Variants in PIGN observed in about 807,000 individuals in gnomAD.
PIGN encodes GPI ethanolamine phosphate transferase 1.
Under a neutral mutation model 125.4 loss-of-function variants are expected in PIGN, and 117 were observed. The observed-to-expected ratio is 0.93, with a 90% CI of 0.80 to 1.09. PIGN has a LOEUF of 1.09. PIGN is among the 50% of genes least tolerant of loss of function. The pLI is 0.00. For missense variants in PIGN, 1,075 were observed against 1,094.9 expected (o/e 0.98, Z 0.26); for synonymous variants, 392 against 377.8 (o/e 1.04, Z -0.44).
intron 30 of PIGN, chr18:62,069,957 A>G (rs1237631644): frequency 6.5e-6 from 1 of 153,102 alleles, no homozygotes; most frequent in Non-Finnish European, 1.5e-5. Context: ...ACCAATGTCT[A>G]AAATGAAAAT....
chr18:62,170,289 T>C (rs2147809013), intron 1 of PIGN, among the ~76,000 whole-genome samples: 1 of 152,362 alleles, frequency 6.6e-6, no homozygotes, highest in Non-Finnish European at 1.5e-5. Flanking sequence ...TTCGCAGATT[T>C]ATTTTTGCAA....
intron 23 of PIGN, among the ~76,000 whole-genome samples, chr18:62,029,884 C>G (rs539549089): frequency 2.0e-5 from 3 of 152,302 alleles, no homozygotes; most frequent in East Asian, 3.9e-4. Flanking sequence ...TTAGTAGCAT[C>G]CTGAAGGAGC....
intron 25 of PIGN, 71 bp from the exon 26 acceptor site, chr18:62,085,335 A>G: frequency 2.9e-6 from 3 of 1,023,070 alleles, no homozygotes; most frequent in East Asian, 2.6e-5. Flanking sequence ...TAGAAAAGAT[A>G]TGCTAATTTT....
intron 23 of PIGN, among the ~76,000 whole-genome samples, chr18:62,094,628 C>T (rs2034101259): frequency 6.6e-6 from 1 of 152,126 alleles, no homozygotes; most frequent in Non-Finnish European, 1.5e-5. Context: ...AGATTTTAAG[C>T]TTTCATGATG....
intron 30 of PIGN, among the ~76,000 whole-genome samples, chr18:62,066,233 T>G (rs2032510978): frequency 1.3e-5 from 2 of 152,168 alleles, no homozygotes. Context: ...AAACAGGCAG[T>G]GACTGAGCAG....
intron 4 of PIGN, among the ~76,000 whole-genome samples, chr18:62,159,272 T>C (rs1458945322): frequency 6.6e-6 from 1 of 151,960 alleles, no homozygotes; most frequent in East Asian, 1.9e-4. Context: ...AAAAAACCTT[T>C]CAAAAACAGG....
At chr18:62,093,163 A>T (rs1269296883) in intron 23 of PIGN, among the ~76,000 whole-genome samples, 2 of 152,110 alleles carry the variant, frequency 1.3e-5, no homozygotes, top group Non-Finnish European at 2.9e-5. Flanking sequence ...TCATTTTTTT[A>T]AAGATTTGAA....
intron 22 of PIGN, among the ~76,000 whole-genome samples, chr18:62,100,845 C>G (rs1050086167): frequency 6.6e-6 from 1 of 152,128 alleles, no homozygotes; most frequent in Admixed American, 6.5e-5. Flanking sequence ...AAATACATAG[C>G]TTTATTATCA....
chr18:62,089,621 T>C (rs1282697201), intron 24 of PIGN, among the ~76,000 whole-genome samples: 5 of 152,272 alleles, frequency 3.3e-5, no homozygotes, highest in South Asian at 2.1e-4. Context: ...AAACTGCTTT[T>C]CATGTATTAT....
intron 1 of PIGN, among the ~76,000 whole-genome samples, chr18:62,165,336 C>T (rs1394874089): frequency 1.3e-5 from 2 of 152,164 alleles, no homozygotes; most frequent in Non-Finnish European, 2.9e-5. Flanking sequence ...ACTAAATAAA[C>T]CTCTTTTCTT....
In PIGN at chr18:62,122,461, A is replaced by G. The variant is rs369090298; in HGVS notation, c.1173-7822T>C. Among the ~76,000 whole-genome samples, 39 of 152,226 alleles carry G rather than the reference A, an allele frequency of 2.6e-4. 4 individuals carry two copies. Among genetic ancestry groups the G allele is most frequent in the South Asian group, 2.5e-3 (12 of 4,812 alleles). On this transcript the variant is annotated intron_variant, in intron 14 of 30. Transcript: ENST00000640252. ...GCAAATTTTTATCAGTTCCCTCTTA[A>G]TGAATGCAAATGCCTAGCACTTCCT...
chr18:62,157,710 T>C lies in PIGN; in HGVS notation c.320A>G (p.Glu107Gly). The C allele has an allele frequency of 6.2e-7, 1 of 1,611,834 alleles. No homozygotes were observed. The highest frequency in any genetic ancestry group is 8.5e-7 in the Non-Finnish European group (1 of 1,178,828). The change falls in exon 5 of 31, where the codon GAA becomes GGA. Residue 107 changes from glutamate to glycine, a missense_variant. Physicochemically the swap from Glu to Gly is moderately conservative, Grantham distance 98. Coordinates refer to ENST00000640252, the MANE Select transcript of PIGN (RefSeq NM_176787.5). ...GHVALIAGFY[E>G]DVSAVAKGWK... The stretch of plus-strand genomic sequence containing the variant: ...ACCTTTGGCAACTGCACTGACATCT[T>C]CATAAAACCCAGCTATCAGAGCTAC...
At chr18:62,173,927 A>AT (rs1324743347) in intron 1 of PIGN, among the ~76,000 whole-genome samples, 1 of 152,170 alleles carries the variant, frequency 6.6e-6, no homozygotes, top group Non-Finnish European at 1.5e-5. Context: ...AAAACTGATC[A>AT]TTTCTCGGCC....
chr18:62,033,180 T>C lies in PIGN; in HGVS notation c.2143-15439A>G, dbSNP rs181307090. ...TATATGGGGCCACCTTCAGCTTCTA[T>C]AGTGGGAGGCAGAGCACTGCATCCC... is the stretch of plus-strand genomic sequence containing the variant. On this transcript the variant is annotated intron_variant, in intron 23 of 24. Coordinates refer to the PIGN transcript ENST00000639600. 1.9e-3 allele frequency among the ~76,000 whole-genome samples: 289 copies of C among 152,320 alleles called. 1 individual carries two copies. The highest frequency in any genetic ancestry group is 6.4e-3 in the African/African-American group (264 of 41,566).
At chr18:62,034,561 C>G (rs971941523) in intron 23 of PIGN, among the ~76,000 whole-genome samples, 1 of 152,208 alleles carries the variant, frequency 6.6e-6, no homozygotes, top group African/African-American at 2.4e-5. Flanking sequence ...GAGCCTAACT[C>G]TTGCATCAGT....
chr18:62,025,124 T>C (rs1359812722), intron 23 of PIGN, among the ~76,000 whole-genome samples: 1 of 152,216 alleles, frequency 6.6e-6, no homozygotes, highest in East Asian at 1.9e-4. Flanking sequence ...GCTATAAAAA[T>C]AGGCCTGAAT....
chr18:62,151,378 A>C (rs1254176860), intron 7 of PIGN, among the ~76,000 whole-genome samples: 1 of 152,212 alleles, frequency 6.6e-6, no homozygotes, highest in East Asian at 1.9e-4. Context: ...AACTGAATGC[A>C]AGCACCAGAG....
chr18:62,180,045 A>G (rs960554627), intron 1 of PIGN, among the ~76,000 whole-genome samples: 1 of 152,222 alleles, frequency 6.6e-6, no homozygotes, highest in African/African-American at 2.4e-5. Context: ...GATTACAAAT[A>G]ATATGGCAAT....
rs552234388 is a variant in PIGN at position 62,060,425 on chromosome 18, G to A, written c.2672+12248C>T. ...TTTCTCCTCTATAAGGGTGATGGGCGATAGAAGCAGGTCATACCTGTTCAA... is the reference window on the plus strand; with the variant it reads ...TTTCTCCTCTATAAGGGTGATGGGCAATAGAAGCAGGTCATACCTGTTCAA... On this transcript the variant is annotated intron_variant, in intron 30 of 30. Coordinates refer to ENST00000640252, the MANE Select transcript of PIGN (RefSeq NM_176787.5). 2.2e-4 allele frequency among the ~76,000 whole-genome samples: 33 copies of A among 152,320 alleles called. 1 individual carries two copies. Among genetic ancestry groups the A allele is most frequent in the African/African-American group, 6.3e-4 (26 of 41,566 alleles).
Sources: allele counts gnomAD v4.1 joint callset (sites outside exome capture counted in the v4.1 genomes callset), GRCh38; gene constraint gnomAD v4.1.1; transcripts MANE v1.5; gene names NCBI Gene and HGNC (gene_info 2026-07-23, HGNC 2026-07-21).